HS6ST2: variants seen among roughly 807,000 people sequenced by gnomAD.
The protein encoded by HS6ST2 is heparan sulfate 6-O-sulfotransferase 2, also known as heparan-sulfate 6-O-sulfotransferase 2.
In HS6ST2, 17 loss-of-function variants were observed where a neutral mutation model predicts 33.0. The ratio of observed to expected loss-of-function variants is 0.52; its 90% confidence interval spans 0.35 to 0.77. The LOEUF is 0.77. Ranked by LOEUF, HS6ST2 falls within the 30% of genes least tolerant of loss-of-function variation. HS6ST2 has a pLI of 0.01. For missense variants in HS6ST2, 519 were observed against 551.7 expected, an observed-to-expected ratio of 0.94 and a Z score of 0.59; for synonymous variants, 248 against 237.1, an observed-to-expected ratio of 1.05 and a Z score of -0.42.
intron 3 of HS6ST2, among the ~76,000 whole-genome samples, chrX:132,684,338 T>C (rs1569480742): frequency 9.4e-6 from 1 of 106,093 alleles, no homozygotes; most frequent in Non-Finnish European, 1.9e-5. Context: ...TATATGTATG[T>C]ATATAGAGAG....
intron 2 of HS6ST2, among the ~76,000 whole-genome samples, chrX:132,745,944 T>G (rs1420682110): frequency 8.9e-6 from 1 of 111,944 alleles, no homozygotes; most frequent in African/African-American, 3.3e-5. Context: ...CAACTTTACA[T>G]AAAAAGGTTT....
At chrX:132,681,356 T>C (rs2063968777) in intron 3 of HS6ST2, among the ~76,000 whole-genome samples, 1 of 112,567 alleles carries the variant, frequency 8.9e-6, no homozygotes, top group South Asian at 3.7e-4. Context: ...TGGTTATAAC[T>C]TCCCAAAGAA....
chrX:132,916,343 T>C (rs1286570928), intron 2 of HS6ST2, among the ~76,000 whole-genome samples: 1 of 112,453 alleles, frequency 8.9e-6, no homozygotes, highest in Non-Finnish European at 1.9e-5. Context: ...AAAATAGCAA[T>C]GAAACAGTGC....
intron 2 of HS6ST2, among the ~76,000 whole-genome samples, chrX:132,924,963 C>T (rs1291711730): frequency 9.0e-6 from 1 of 111,231 alleles, no homozygotes; most frequent in East Asian, 2.8e-4. Context: ...CGCCTGTGGT[C>T]CCAGCTACTC....
At chrX:132,673,368 TCA>T (rs1224030520) in intron 3 of HS6ST2, among the ~76,000 whole-genome samples, 1 of 112,343 alleles carries the variant, frequency 8.9e-6, no homozygotes, top group Non-Finnish European at 1.9e-5. Flanking sequence ...GTGACACATG[TCA>T]CATATCTTCC....
At chrX:132,670,672 G>A (rs1358324829) in intron 3 of HS6ST2, among the ~76,000 whole-genome samples, 1 of 112,075 alleles carries the variant, frequency 8.9e-6, no homozygotes, top group Non-Finnish European at 1.9e-5. Context: ...ATTACCCAGG[G>A]CATGGTGGCG....
intron 2 of HS6ST2, among the ~76,000 whole-genome samples, chrX:132,875,986 G>A (rs1245599591): frequency 9.0e-6 from 1 of 111,219 alleles, no homozygotes; most frequent in Non-Finnish European, 1.9e-5. Context: ...GTAATTGAAG[G>A]TTTTTGCCAA....
rs763572473 is a variant in HS6ST2 at position 132,763,480 on chromosome X, C to T, written c.948-54986G>A. Among the ~76,000 whole-genome samples the T allele has an allele frequency of 8.0e-5, 9 of 112,272 alleles. No homozygotes were observed. The South Asian group carries it at 3.4e-3, about 42-fold the overall frequency. On this transcript the variant is annotated intron_variant, in intron 2 of 4. Transcript: ENST00000370833. ...GCTAGCACACCGTGGTACGGAGAAACAGCAGACAGTGCAGACTCGAGATGT... is the reference window on the plus strand; with the variant it reads ...GCTAGCACACCGTGGTACGGAGAAATAGCAGACAGTGCAGACTCGAGATGT...
intron 2 of HS6ST2, among the ~76,000 whole-genome samples, chrX:132,724,158 A>G (rs1391661280): frequency 9.0e-6 from 1 of 110,902 alleles, no homozygotes; most frequent in Admixed American, 9.6e-5. Flanking sequence ...AAAAGAAAAG[A>G]AAAGAAAAGA....
chrX:132,905,537 T>C (rs1034465947), intron 2 of HS6ST2, among the ~76,000 whole-genome samples: 17 of 112,433 alleles, frequency 1.5e-4, no homozygotes, highest in Admixed American at 7.5e-4. Flanking sequence ...TCAAATTCCA[T>C]GTATTCCTGG....
intron 2 of HS6ST2, among the ~76,000 whole-genome samples, chrX:132,954,321 G>C (rs995710109): frequency 1.7e-4 from 19 of 111,809 alleles, no homozygotes; most frequent in African/African-American, 6.2e-4. Flanking sequence ...CTGGCATGGA[G>C]AGGCTGTTTG....
chrX:132,844,529 G>A (rs1272645280), intron 2 of HS6ST2, among the ~76,000 whole-genome samples: 1 of 111,025 alleles, frequency 9.0e-6, no homozygotes. Flanking sequence ...CATCACTACT[G>A]TCTCTCCCTT....
intron 2 of HS6ST2, among the ~76,000 whole-genome samples, chrX:132,905,236 A>G (rs1238363798): frequency 8.9e-6 from 1 of 112,170 alleles, no homozygotes; most frequent in Non-Finnish European, 1.9e-5. Context: ...CTTCAATGAA[A>G]CTGAATATAT....
chrX:132,683,724 T>TA (rs1481404618), intron 3 of HS6ST2, among the ~76,000 whole-genome samples: 2 of 111,572 alleles, frequency 1.8e-5, no homozygotes, highest in Non-Finnish European at 3.8e-5. Flanking sequence ...AACTCTAGTG[T>TA]AAAAATAGGG....
chrX:132,942,185 TAG>T (rs777159500), intron 2 of HS6ST2, among the ~76,000 whole-genome samples: 1 of 111,927 alleles, frequency 8.9e-6, no homozygotes, highest in Non-Finnish European at 1.9e-5. Context: ...TTTTTGCCTC[TAG>T]AGTATCTGGC....
intron 2 of HS6ST2, among the ~76,000 whole-genome samples, chrX:132,715,676 G>T (rs757661394): frequency 1.8e-5 from 2 of 111,644 alleles, no homozygotes; most frequent in South Asian, 7.6e-4. Flanking sequence ...GCCTGCCTAG[G>T]GGCAGCAGAC....
intron 2 of HS6ST2, among the ~76,000 whole-genome samples, chrX:132,762,507 A>G (rs1291874807): frequency 1.8e-5 from 2 of 112,473 alleles, no homozygotes; most frequent in Non-Finnish European, 3.7e-5. Flanking sequence ...TGATTCTGAA[A>G]TATTTATTTA....
chrX:132,794,301 C>A (rs2065150566), intron 2 of HS6ST2, among the ~76,000 whole-genome samples: 1 of 112,128 alleles, frequency 8.9e-6, no homozygotes, highest in Non-Finnish European at 1.9e-5. Flanking sequence ...AGGACAATGT[C>A]AATTATGTGA....
chrX:132,643,907 G>C (rs1243863824), intron 4 of HS6ST2, among the ~76,000 whole-genome samples: 4 of 111,910 alleles, frequency 3.6e-5, no homozygotes, highest in Non-Finnish European at 7.5e-5. Context: ...GTGAGGACAT[G>C]TCAATGAGAA....
Sources: allele counts gnomAD v4.1 joint callset (sites outside exome capture counted in the v4.1 genomes callset), GRCh38; gene constraint gnomAD v4.1.1; transcripts MANE v1.5; gene names NCBI Gene and HGNC (gene_info 2026-07-23, HGNC 2026-07-21).